Variants in CPEB3 observed in about 807,000 individuals in gnomAD.
CPEB3 encodes the protein cytoplasmic polyadenylation element-binding protein 3.
Under a neutral mutation model 67.2 loss-of-function variants are expected in CPEB3, and 20 were observed. The observed-to-expected ratio is 0.30, with a 90% CI of 0.21 to 0.43. The LOEUF is 0.43. Ranked by LOEUF, CPEB3 falls within the 20% of genes least tolerant of loss-of-function variation. The pLI, the probability that CPEB3 is intolerant of heterozygous loss-of-function variation, is 1.00. For missense variants in CPEB3, 746 were observed against 968.6 expected (o/e 0.77, Z 3.05); for synonymous variants, 376 against 393.1 (o/e 0.96, Z 0.51).
intron 1 of CPEB3, among the ~76,000 whole-genome samples, chr10:92,247,785 T>G (rs886712625): frequency 6.6e-6 from 1 of 152,206 alleles, no homozygotes; most frequent in Non-Finnish European, 1.5e-5. Context: ...AGGCTGGGAT[T>G]ACAGGTGTGA....
chr10:92,205,443 T>C (rs934275306), intron 2 of CPEB3, among the ~76,000 whole-genome samples: 2 of 151,242 alleles, frequency 1.3e-5, no homozygotes, highest in African/African-American at 2.4e-5. Flanking sequence ...TTTTTACAGA[T>C]GAGGAAACTA....
At chr10:92,211,655 G>A (rs761388864) in intron 2 of CPEB3, among the ~76,000 whole-genome samples, 2 of 150,924 alleles carry the variant, frequency 1.3e-5, no homozygotes, top group African/African-American at 2.4e-5. Context: ...TCCTGCCTCA[G>A]CCTCCCAAGT....
At chr10:92,184,334 G>A (rs1848591480) in intron 3 of CPEB3, among the ~76,000 whole-genome samples, 1 of 152,188 alleles carries the variant, frequency 6.6e-6, no homozygotes, top group Admixed American at 6.5e-5. Context: ...GCTGGGCACC[G>A]TGGCTCACGC....
intron 9 of CPEB3, among the ~76,000 whole-genome samples, chr10:92,075,911 T>C (rs1185242407): frequency 1.3e-5 from 2 of 152,232 alleles, no homozygotes. Flanking sequence ...AAAGGAGATA[T>C]ACCAGTTAAT....
At chr10:92,127,655 G>C (rs1325950384) in intron 6 of CPEB3, among the ~76,000 whole-genome samples, 4 of 152,148 alleles carry the variant, frequency 2.6e-5, no homozygotes, top group Non-Finnish European at 5.9e-5. Flanking sequence ...CTCCAGCCTG[G>C]GCAACAAAGC....
chr10:92,116,265 A>AAAT (rs1554889851), intron 6 of CPEB3, among the ~76,000 whole-genome samples: 60 of 145,822 alleles, frequency 4.1e-4, no homozygotes, highest in African/African-American at 1.1e-3. Context: ...AAAAAAAAAA[A>AAAT]AATAATAATA....
chr10:92,186,225 C>G (rs369691834), intron 3 of CPEB3, among the ~76,000 whole-genome samples: 4 of 113,802 alleles, frequency 3.5e-5, no homozygotes, highest in Admixed American at 1.9e-4. Context: ...AAAAAAAATA[C>G]AAAAAAAAAA....
chr10:92,096,675 C>A (rs770647595), intron 7 of CPEB3, among the ~76,000 whole-genome samples: 1 of 152,054 alleles, frequency 6.6e-6, no homozygotes, highest in Non-Finnish European at 1.5e-5. Context: ...CAGGTGCAGT[C>A]GCTCATTTCT....
intron 6 of CPEB3, among the ~76,000 whole-genome samples, chr10:92,124,857 T>G (rs1423853241): frequency 6.6e-6 from 1 of 152,322 alleles, no homozygotes; most frequent in African/African-American, 2.4e-5. Flanking sequence ...GAAAAAGAAA[T>G]AAATGCTACA....
chr10:92,123,274 C>T (rs983705932), intron 6 of CPEB3, among the ~76,000 whole-genome samples: 2 of 152,140 alleles, frequency 1.3e-5, no homozygotes, highest in African/African-American at 4.8e-5. Context: ...TAGTCACAGT[C>T]AGTTCAAACA....
chr10:92,106,773 C>T (rs1349605120), intron 7 of CPEB3, among the ~76,000 whole-genome samples: 3 of 135,424 alleles, frequency 2.2e-5, no homozygotes, highest in East Asian at 2.2e-4. Flanking sequence ...TGAGATCGCA[C>T]CACTGCACTC....
rs911795187 is a variant in CPEB3, at chr10:92,155,387, C to A, written c.1223-10302G>T. On this transcript the variant is annotated intron_variant, in intron 4 of 9. Transcript: ENST00000265997. ...GAAAGGGATCAAACATTAATTTAAT[C>A]CCTGTTCACATGAAAAAATAAGCAT... Among the ~76,000 whole-genome samples, 166 of 152,120 alleles carry A rather than the reference C, an allele frequency of 1.1e-3. 1 individual carries two copies. The highest frequency in any genetic ancestry group is 0.011 in the Admixed American group (162 of 15,264).
intron 2 of CPEB3, among the ~76,000 whole-genome samples, chr10:92,208,880 G>A (rs1300741733): frequency 6.6e-6 from 1 of 152,128 alleles, no homozygotes; most frequent in Non-Finnish European, 1.5e-5. Flanking sequence ...CAGGGCAGGA[G>A]CCACTGCCAG....
At chr10:92,107,239 G>A (rs1003749372) in intron 7 of CPEB3, among the ~76,000 whole-genome samples, 4 of 152,104 alleles carry the variant, frequency 2.6e-5, no homozygotes, top group East Asian at 1.9e-4. Context: ...GAGCAATAAC[G>A]TAAAGAATGG....
intron 7 of CPEB3, among the ~76,000 whole-genome samples, chr10:92,104,714 G>A (rs1844357937): frequency 6.6e-6 from 1 of 151,666 alleles, no homozygotes. Flanking sequence ...AGACCTCCCT[G>A]AAAAGAAAAT....
At chr10:92,230,782 A>G (rs1013274888) in intron 2 of CPEB3, among the ~76,000 whole-genome samples, 2 of 152,208 alleles carry the variant, frequency 1.3e-5, no homozygotes, top group Non-Finnish European at 2.9e-5. Context: ...TTCCTTGTGA[A>G]GCTGGTTTCT....
chr10:92,260,500 G>C (rs1408172797), intron 1 of CPEB3, among the ~76,000 whole-genome samples: 3 of 150,676 alleles, frequency 2.0e-5, no homozygotes. Flanking sequence ...TCAGTGAGCC[G>C]GGACCACACC....
intron 2 of CPEB3, among the ~76,000 whole-genome samples, chr10:92,231,558 A>T (rs1851268230): frequency 6.6e-6 from 1 of 152,128 alleles, no homozygotes; most frequent in African/African-American, 2.4e-5. Flanking sequence ...TGAGAAAAAG[A>T]ATCACTGGAT....
At chr10:92,154,181 G>T (rs1016078329) in intron 4 of CPEB3, among the ~76,000 whole-genome samples, 10 of 152,166 alleles carry the variant, frequency 6.6e-5, no homozygotes, top group African/African-American at 2.4e-4. Context: ...TTCTAACAGG[G>T]GTTGCAGTTG....
Sources: allele counts gnomAD v4.1 joint callset (sites outside exome capture counted in the v4.1 genomes callset), GRCh38; gene constraint gnomAD v4.1.1; transcripts MANE v1.5; gene names NCBI Gene and HGNC (gene_info 2026-07-23, HGNC 2026-07-21).